The following ADAMTS2 variants were observed in gnomAD, a reference collection of about 807,000 sequenced individuals.
The protein encoded by ADAMTS2 is ADAM metallopeptidase with thrombospondin type 1 motif 2, also known as A disintegrin and metalloproteinase with thrombospondin motifs 2.
ADAMTS2 carries 50 observed loss-of-function variants against 123.0 expected under a neutral mutation model. The ratio of observed to expected loss-of-function variants is 0.41; its 90% CI spans 0.32 to 0.51. The LOEUF (loss-of-function observed/expected upper bound fraction) is 0.51, where lower values mean the gene tolerates loss of function less well. Among genes scored for constraint, ADAMTS2 ranks in the 20% least tolerant of loss-of-function variants. The probability of loss-of-function intolerance (pLI) is 0.35; values close to 1 mark genes in which losing one functional copy is unlikely to be tolerated. For synonymous variants in ADAMTS2, 678 were observed against 695.4 expected (o/e 0.98, Z 0.39); for missense variants, 1,494 against 1,705.2 (o/e 0.88, Z 2.18).
At chr5:179,210,373 T>C (rs1428277105) in intron 3 of ADAMTS2, among the ~76,000 whole-genome samples, 1 of 152,236 alleles carries the variant, frequency 6.6e-6, no homozygotes, top group African/African-American at 2.4e-5. Flanking sequence ...AGGCAGAGTT[T>C]TTAACTAAAC....
In ADAMTS2 at chr5:179,132,340, CTG is replaced by C. The variant is rs1158998479; in HGVS notation, c.2210-32_2210-31del. 7 of 1,608,296 alleles carry C rather than the reference CTG, an allele frequency of 4.4e-6. No individual in the cohort carries two copies. The African/African-American group carries it at 9.4e-5, about 22-fold the overall frequency. ...TTTTGATGTGGAAAGACACAGAAAA[CTG>C]AGAAGGGAAGGCGCCGCTCAAATTC... On this transcript the variant is annotated intron_variant, in intron 14 of 21. Transcript: ENST00000251582. This position sits in a 1 kb window ranked among gnomAD's most constrained non-coding sequence, Gnocchi z 6.1.
At chr5:179,127,539 T>C (rs1207855014) in intron 17 of ADAMTS2, among the ~76,000 whole-genome samples, 2 of 152,052 alleles carry the variant, frequency 1.3e-5, no homozygotes, top group East Asian at 1.9e-4. Context: ...CTCAGCCCTG[T>C]CCCAGAAACA....
At position 179,112,662 on chromosome 5, in the gene ADAMTS2, G is replaced by A. The variant is rs541527633; in HGVS notation, c.*1205C>T. On this transcript the variant is annotated 3_prime_UTR_variant, in exon 22 of 22. Transcript: ENST00000251582. Reference sequence around the variant, plus strand: ...GACAGGGAAAGCCCATTCCCAGCAAGCAAGCAAAGCCCACAAAGCCCAGAA... The same window carrying A: ...GACAGGGAAAGCCCATTCCCAGCAAACAAGCAAAGCCCACAAAGCCCAGAA... 1 of 152,516 alleles carries A rather than the reference G, an allele frequency of 6.6e-6. No homozygotes were observed. Among genetic ancestry groups the A allele is most frequent in the East Asian group, 1.9e-4 (1 of 5,180 alleles). The allele number at this position is 152,516 out of a possible 1,614,324, so 9.4% of individuals were successfully genotyped here.
rs541592679 is a variant in ADAMTS2 at position 179,234,507 on chromosome 5, A to T, written c.689-26792T>A. Among the ~76,000 whole-genome samples the T allele has an allele frequency of 2.5e-4, 37 of 149,770 alleles. No individual in the cohort carries two copies. Among genetic ancestry groups the T allele is most frequent in the African/African-American group, 9.3e-4 (37 of 39,938 alleles). On this transcript the variant is annotated intron_variant, in intron 3 of 21. Transcript: ENST00000251582. The surrounding 1 kb of genome is among the most constrained non-coding windows in gnomAD (Gnocchi z 4.7). ...CCTCCATGACCATGGACCTGCTGACAGGTGCCCCCCGACCCACCTCCAGCC... is the reference window on the plus strand; with the variant it reads ...CCTCCATGACCATGGACCTGCTGACTGGTGCCCCCCGACCCACCTCCAGCC...
intron 2 of ADAMTS2, among the ~76,000 whole-genome samples, chr5:179,313,222 A>G (rs964019290): frequency 1.4e-5 from 2 of 140,914 alleles, no homozygotes; most frequent in Non-Finnish European, 3.1e-5. Context: ...ACACACACAC[A>G]CCGAGACAGA....
At chr5:179,321,677 C>T (rs1341083342) in intron 2 of ADAMTS2, among the ~76,000 whole-genome samples, 7 of 142,496 alleles carry the variant, frequency 4.9e-5, no homozygotes, top group Admixed American at 2.3e-4. Flanking sequence ...CCATACAGAG[C>T]GCTCCCAACC....
At chr5:179,217,696 CACTCTGCTGG>C (rs1765014804) in intron 3 of ADAMTS2, among the ~76,000 whole-genome samples, 1 of 91,496 alleles carries the variant, frequency 1.1e-5, no homozygotes, top group Admixed American at 1.1e-4. Flanking sequence ...AGCAGTTTCC[CACTCTGCTGG>C]ACTCTGCTGG....
chr5:179,153,965 C>T lies in ADAMTS2; in HGVS notation c.1382+84G>A, dbSNP rs1763416429. On this transcript the variant is annotated intron_variant, in intron 8 of 21. Transcript: ENST00000251582. Reference sequence around the variant, plus strand: ...AGGACCTGAGGTCGGAGGGCTCTGGCTCTGGTGCATGGGGACTTGCACCCT... The same window carrying T: ...AGGACCTGAGGTCGGAGGGCTCTGGTTCTGGTGCATGGGGACTTGCACCCT... 2.0e-6 allele frequency: 3 copies of T among 1,524,128 alleles called. No homozygotes were observed. In the East Asian group the frequency reaches 7.2e-5, roughly 37 times the overall value. 94.4% of individuals were successfully genotyped at this position (1,524,128 alleles called of 1,614,324 possible). A position where few individuals can be genotyped will look rare whatever the true frequency, so the allele number is the denominator to read the frequency against.
chr5:179,292,525 T>G (rs976054371), intron 2 of ADAMTS2, among the ~76,000 whole-genome samples: 4 of 152,084 alleles, frequency 2.6e-5, no homozygotes, highest in African/African-American at 7.2e-5. Context: ...CATCTTGCTA[T>G]TCCCCATGTG....
At chr5:179,296,497 G>A (rs907120032) in intron 2 of ADAMTS2, among the ~76,000 whole-genome samples, 3 of 152,154 alleles carry the variant, frequency 2.0e-5, no homozygotes, top group African/African-American at 7.2e-5. Context: ...GAGGAGGGAT[G>A]GGGCTGGACC....
Position 179,125,889 on chromosome 5 carries a change from C to G in ADAMTS2, c.2750+109G>C, listed in dbSNP as rs565192542. On this transcript the variant is annotated intron_variant, in intron 18 of 21. Transcript: ENST00000251582. ...TGAAATGTGGTGAGAGAGACTTGGT[C>G]AAATGCCTCGGATGATGCCAGGCCC... The G allele has an allele frequency of 1.4e-5, 21 of 1,490,998 alleles. No individual in the cohort carries two copies. In the African/African-American group the frequency reaches 2.2e-4, roughly 16 times the overall value. 92.4% of individuals were successfully genotyped at this position (1,490,998 alleles called of 1,614,324 possible). A position where few individuals can be genotyped will look rare whatever the true frequency, so the allele number is the denominator to read the frequency against.
rs765020379 is a variant in ADAMTS2, at chr5:179,125,158, G to T, written c.2773C>A (p.Pro925Thr). 2 of 1,612,746 alleles carry T rather than the reference G, an allele frequency of 1.2e-6. No homozygotes were observed. Among genetic ancestry groups the T allele is most frequent in the Admixed American group, 3.3e-5 (2 of 60,030 alleles). The change falls in exon 19 of 22, where the codon CCA (proline) becomes ACA (threonine). Residue 925 changes from proline (P) to threonine (T), a missense_variant. Pro to Thr is a conservative substitution (Grantham distance 38). Coordinates refer to ENST00000251582, the MANE Select transcript of ADAMTS2 (RefSeq NM_014244.5). ...QPVWVTGEWE[P>T]CSQTCGRTGM... is the part of the protein sequence containing the mutation. ...GTCCGCCCACAGGTCTGGCTACATGGCTCCCATTCGCCTGTGACCCACCTG... is the reference window on the plus strand; with the variant it reads ...GTCCGCCCACAGGTCTGGCTACATGTCTCCCATTCGCCTGTGACCCACCTG...
chr5:179,298,702 T>C (rs562932989), intron 2 of ADAMTS2, among the ~76,000 whole-genome samples: 1 of 152,112 alleles, frequency 6.6e-6, no homozygotes, highest in South Asian at 2.1e-4. Context: ...GGGGGAGGCA[T>C]TCACAAGCCC....
chr5:179,324,987 C>T (rs749796913), intron 2 of ADAMTS2, among the ~76,000 whole-genome samples: 1 of 152,204 alleles, frequency 6.6e-6, no homozygotes, highest in Non-Finnish European at 1.5e-5. Flanking sequence ...GTCTCAGCTT[C>T]TTCAGCCACC....
intron 4 of ADAMTS2, among the ~76,000 whole-genome samples, chr5:179,195,669 G>A (rs1284647311): frequency 6.6e-6 from 1 of 152,218 alleles, no homozygotes; most frequent in African/African-American, 2.4e-5. Flanking sequence ...GGCCCCTCGG[G>A]CCTGGCTACT....
intron 5 of ADAMTS2, among the ~76,000 whole-genome samples, chr5:179,177,071 A>C (rs1763949175): frequency 1.3e-5 from 2 of 152,174 alleles, no homozygotes; most frequent in African/African-American, 4.8e-5. Flanking sequence ...CCTTGTCTAG[A>C]TCTGCCTTCT....
chr5:179,123,377 C>T (rs1762795164), intron 19 of ADAMTS2, among the ~76,000 whole-genome samples: 1 of 152,248 alleles, frequency 6.6e-6, no homozygotes, highest in Non-Finnish European at 1.5e-5. Context: ...TGCTCAAAGC[C>T]TGCACATTCC....
chr5:179,178,487 CAG>C (rs1763978858), intron 5 of ADAMTS2, among the ~76,000 whole-genome samples: 1 of 152,260 alleles, frequency 6.6e-6, no homozygotes, highest in African/African-American at 2.4e-5. Flanking sequence ...TGGCCGGCTG[CAG>C]AGAGCCTCCC....
chr5:179,200,931 A>G (rs749101753), intron 4 of ADAMTS2, among the ~76,000 whole-genome samples: 1 of 152,208 alleles, frequency 6.6e-6, no homozygotes, highest in African/African-American at 2.4e-5. Context: ...AACACCCCCA[A>G]ATCCCAGCAG....
Sources: gnomAD v4.1 joint callset for allele counts (sites outside exome capture counted in the v4.1 genomes callset) on GRCh38, gnomAD v4.1.1 for gene constraint, Gnocchi (gnomAD v3.1) non-coding constraint, MANE v1.5 for transcripts, NCBI Gene and HGNC (gene_info 2026-07-23, HGNC 2026-07-21) for gene names.